Variants in P4HA3 observed in about 807,000 individuals in gnomAD.
P4HA3 encodes the protein prolyl 4-hydroxylase subunit alpha-3.
P4HA3 carries 60 observed loss-of-function variants against 66.7 expected under a neutral mutation model. That is an observed-to-expected ratio of 0.90 (90% CI 0.73 to 1.12). The LOEUF (loss-of-function observed/expected upper bound fraction) is 1.12. P4HA3 is among the 50% of genes most tolerant of loss of function. P4HA3 has a pLI of 0.00. For missense variants in P4HA3, 683 were observed against 685.8 expected, an observed-to-expected ratio of 1.00 and a Z score of 0.05; for synonymous variants, 263 against 274.6, an observed-to-expected ratio of 0.96 and a Z score of 0.42.
At chr11:74,263,975 C>A (rs550724527), downstream of P4HA3, among the ~76,000 whole-genome samples, 1 of 152,218 alleles carries the variant, frequency 6.6e-6, no homozygotes, top group Admixed American at 6.5e-5. Flanking sequence ...CACAGTTGAC[C>A]CTACTTAGAA....
intron 15 of P4HA3, among the ~76,000 whole-genome samples, chr11:74,255,205 T>C (rs566079339): frequency 2.0e-5 from 3 of 152,306 alleles, no homozygotes; most frequent in South Asian, 4.1e-4. Context: ...GTGATAGGTA[T>C]CACCATCTCT....
chr11:74,289,204 TAAAA>T, intron 4 of P4HA3, 74 bp from the exon 5 acceptor site: 1 of 875,760 alleles, frequency 1.1e-6, no homozygotes, highest in South Asian at 2.7e-5. Flanking sequence ...ACCATTAAAT[TAAAA>T]AAAAAAAAAG....
chr11:74,257,285 C>G (rs1859845441), intron 15 of P4HA3, among the ~76,000 whole-genome samples: 1 of 152,112 alleles, frequency 6.6e-6, no homozygotes, highest in Non-Finnish European at 1.5e-5. Flanking sequence ...CCACCACGCC[C>G]AGCTAATTTT....
intron 8 of P4HA3, among the ~76,000 whole-genome samples, chr11:74,278,207 T>C (rs1306290067): frequency 6.6e-6 from 1 of 152,136 alleles, no homozygotes; most frequent in African/African-American, 2.4e-5. Context: ...GTGCATAAAA[T>C]TTCAATAGAT....
Position 74,311,522 on chromosome 11 carries a change from C to A in P4HA3, c.90G>T (p.Thr30=). ...DPERAAARGD[T]FSALTSVARA... is the part of the protein sequence containing the mutation. ...GCGCCACGCTGGTCAGCGCCGAGAA[C>A]GTGTCGCCCCGAGCCGCAGCCCTTT... Residue 30 remains threonine (T), a synonymous_variant, in exon 1 of 13, where the codon ACG becomes ACT. Coordinates refer to ENST00000331597, the MANE Select transcript of P4HA3 (RefSeq NM_182904.5). 1 of 1,541,218 alleles carries A rather than the reference C, an allele frequency of 6.5e-7. No homozygotes were observed. Among genetic ancestry groups the A allele is most frequent in the Non-Finnish European group, 8.7e-7 (1 of 1,152,848 alleles).
exon 15 of P4HA3, chr11:74,259,941 G>A (rs1341873126): frequency 6.6e-6 from 1 of 152,120 alleles, no homozygotes; most frequent in Non-Finnish European, 1.5e-5. Context: ...GGAATAACTG[G>A]GTCAGATGAC....
At chr11:74,279,682 T>C (rs1860523207) in intron 7 of P4HA3, among the ~76,000 whole-genome samples, 1 of 152,226 alleles carries the variant, frequency 6.6e-6, no homozygotes, top group South Asian at 2.1e-4. Context: ...TTTAACACTG[T>C]GTCTAGTCGA....
chr11:74,251,516 A>G (rs1345547096), intron 15 of P4HA3: 1 of 1,470,134 alleles, frequency 6.8e-7, no homozygotes, highest in East Asian at 2.4e-5. Flanking sequence ...GGTCCTTTTA[A>G]TTTCAAGCCA....
chr11:74,272,774 T>C (rs189322407), intron 10 of P4HA3, among the ~76,000 whole-genome samples: 1 of 152,230 alleles, frequency 6.6e-6, no homozygotes, highest in Non-Finnish European at 1.5e-5. Context: ...AACCCTTATA[T>C]ATGTTTGTCC....
intron 4 of P4HA3, among the ~76,000 whole-genome samples, chr11:74,296,958 A>C (rs1861237603): frequency 1.7e-5 from 2 of 118,478 alleles, no homozygotes; most frequent in Non-Finnish European, 3.4e-5. Context: ...TTTGAGATGC[A>C]GTTTCACTTG....
At chr11:74,299,501 T>C (rs1055427450) in intron 3 of P4HA3, among the ~76,000 whole-genome samples, 5 of 152,174 alleles carry the variant, frequency 3.3e-5, no homozygotes, top group African/African-American at 1.2e-4. Flanking sequence ...TGAAAAATGC[T>C]AAAAATGACT....
chr11:74,256,923 G>A (rs1322494962), intron 15 of P4HA3, among the ~76,000 whole-genome samples: 2 of 152,152 alleles, frequency 1.3e-5, no homozygotes, highest in Non-Finnish European at 2.9e-5. Flanking sequence ...AGGAGCATTT[G>A]CTGATTAAGC....
intron 12 of P4HA3, among the ~76,000 whole-genome samples, chr11:74,267,529 G>GA (rs1013909256): frequency 2.0e-5 from 3 of 152,316 alleles, no homozygotes; most frequent in Admixed American, 6.5e-5. Flanking sequence ...TTGTCCTCTG[G>GA]AAAAAAGTCA....
chr11:74,254,042 A>G (rs181576944), intron 15 of P4HA3: 1 of 155,390 alleles, frequency 6.4e-6, no homozygotes, highest in East Asian at 1.9e-4. Context: ...AGAGGCCAAG[A>G]TCCCATCCTT....
At chr11:74,289,209 A>G in intron 4 of P4HA3, 79 bp from the exon 5 acceptor site, 1 of 1,226,302 alleles carries the variant, frequency 8.2e-7, no homozygotes, top group Admixed American at 3.0e-5. Flanking sequence ...TAAATTAAAA[A>G]AAAAAAAAGA....
chr11:74,267,293 A>G lies in P4HA3; in HGVS notation c.1590T>C (p.Tyr530=), dbSNP rs368704046. Residue 530 remains tyrosine, a synonymous_variant, in exon 13 of 13, where the codon TAT becomes TAC. Coordinates refer to ENST00000331597, the MANE Select transcript of P4HA3 (RefSeq NM_182904.5). ...KWVANKWIHE[Y]GQEFRRPCSS... ...TGCAGGGTCTGCGGAATTCCTGTCCATACTCATGTATCCACTTGTTGGCCA... is the reference window on the plus strand; with the variant it reads ...TGCAGGGTCTGCGGAATTCCTGTCCGTACTCATGTATCCACTTGTTGGCCA... 49 of 1,614,106 alleles carry G rather than the reference A, an allele frequency of 3.0e-5. No homozygotes were observed. The highest frequency in any genetic ancestry group is 4.1e-5 in the Non-Finnish European group (48 of 1,180,042).
chr11:74,259,383 C>CAAACA (rs1241218000), intron 15 of P4HA3, among the ~76,000 whole-genome samples: 67 of 152,048 alleles, frequency 4.4e-4, no homozygotes, highest in African/African-American at 1.5e-3. Flanking sequence ...GATTCTGTCT[C>CAAACA]AAACAAAACA....
intron 4 of P4HA3, among the ~76,000 whole-genome samples, chr11:74,290,129 C>T (rs371563266): frequency 2.2e-4 from 33 of 151,762 alleles, no homozygotes; most frequent in Middle Eastern, 3.4e-3. Context: ...TTTTAATGAT[C>T]GCCATTCTAA....
At chr11:74,261,729 C>A (rs1859910083), downstream of P4HA3, among the ~76,000 whole-genome samples, 1 of 151,900 alleles carries the variant, frequency 6.6e-6, no homozygotes, top group Non-Finnish European at 1.5e-5. Flanking sequence ...GCATCCTCAG[C>A]CCCAGCAAAG....
Sources: gnomAD v4.1 joint callset for allele counts (sites outside exome capture counted in the v4.1 genomes callset) on GRCh38, gnomAD v4.1.1 for gene constraint, MANE v1.5 for transcripts, NCBI Gene and HGNC (gene_info 2026-07-23, HGNC 2026-07-21) for gene names.